The following VOPP1 variants were observed in gnomAD, a reference collection of about 807,000 sequenced individuals.
VOPP1 encodes the protein WW domain binding protein VOPP1.
Under a neutral mutation model 23.5 loss-of-function variants are expected in VOPP1, and 8 were observed. The ratio of observed to expected loss-of-function variants is 0.34; its 90% confidence interval spans 0.20 to 0.61. The LOEUF (loss-of-function observed/expected upper bound fraction) is 0.61, where lower values mean the gene tolerates loss of function less well. Among genes scored for constraint, VOPP1 ranks in the 20% least tolerant of loss-of-function variants. VOPP1 has a pLI of 0.78. For synonymous variants in VOPP1, 83 were observed against 97.3 expected (o/e 0.85, Z 0.86); for missense variants, 174 against 238.1 (o/e 0.73, Z 1.77).
At chr7:55,501,679 T>G (rs1794378507) in intron 2 of VOPP1, among the ~76,000 whole-genome samples, 1 of 152,144 alleles carries the variant, frequency 6.6e-6, no homozygotes. Context: ...GAATACCCTC[T>G]CAAATTGGAC....
intron 4 of VOPP1, among the ~76,000 whole-genome samples, chr7:55,461,435 G>A (rs979861919): frequency 6.6e-6 from 1 of 151,712 alleles, no homozygotes; most frequent in Non-Finnish European, 1.5e-5. Context: ...TTCTTGAGAC[G>A]GAGTCTCACT....
intron 4 of VOPP1, among the ~76,000 whole-genome samples, chr7:55,464,286 G>C (rs866927107): frequency 6.6e-6 from 1 of 152,218 alleles, no homozygotes; most frequent in Non-Finnish European, 1.5e-5. Context: ...CCTACCTGAT[G>C]GTGCATGCAC....
At chr7:55,444,501 C>T (rs1197881400) in intron 4 of VOPP1, among the ~76,000 whole-genome samples, 1 of 151,928 alleles carries the variant, frequency 6.6e-6, no homozygotes, top group African/African-American at 2.4e-5. Flanking sequence ...ATCACCTCTA[C>T]CGCATTGTAT....
intron 1 of VOPP1, among the ~76,000 whole-genome samples, chr7:55,539,039 AAGGG>A (rs748581592): frequency 0.13 from 1,578 of 11,732 alleles, 14 homozygotes; most frequent in Middle Eastern, 0.25. Context: ...TTTAAAAAAA[AAGGG>A]GGGGGGGGAG....
At chr7:55,554,918 ACAT>A (rs1436046944) in intron 1 of VOPP1, among the ~76,000 whole-genome samples, 1 of 152,204 alleles carries the variant, frequency 6.6e-6, no homozygotes, top group African/African-American at 2.4e-5. Context: ...AGCGCAGGAG[ACAT>A]CAGCATCTGA....
intron 4 of VOPP1, among the ~76,000 whole-genome samples, chr7:55,485,016 T>C (rs927093112): frequency 6.6e-6 from 1 of 152,226 alleles, no homozygotes; most frequent in African/African-American, 2.4e-5. Flanking sequence ...CCCAGAAACA[T>C]AATTACTGGA....
At chr7:55,447,191 T>A (rs929694656) in intron 4 of VOPP1, among the ~76,000 whole-genome samples, 8 of 152,214 alleles carry the variant, frequency 5.3e-5, no homozygotes, top group African/African-American at 1.9e-4. Context: ...CCAGGTACTA[T>A]AGAAGAATCA....
chr7:55,539,040 A>AGGGGGGGG (rs60010511), intron 1 of VOPP1, among the ~76,000 whole-genome samples: 4 of 47,802 alleles, frequency 8.4e-5, no homozygotes, highest in African/African-American at 2.0e-4. Context: ...TTAAAAAAAA[A>AGGGGGGGG]GGGGGGGGGG....
chr7:55,503,591 C>CG (rs1380872579), intron 2 of VOPP1, among the ~76,000 whole-genome samples: 5 of 152,170 alleles, frequency 3.3e-5, no homozygotes, highest in Non-Finnish European at 7.3e-5. Flanking sequence ...TCCCCTAGAC[C>CG]GGTGTGTTGA....
intron 4 of VOPP1, among the ~76,000 whole-genome samples, chr7:55,477,693 G>C (rs1255809545): frequency 6.6e-6 from 1 of 152,236 alleles, no homozygotes; most frequent in Non-Finnish European, 1.5e-5. Flanking sequence ...ATCCTACCAG[G>C]AACTGGTGGG....
At chr7:55,444,906 G>T (rs1221135953) in intron 4 of VOPP1, among the ~76,000 whole-genome samples, 1 of 152,044 alleles carries the variant, frequency 6.6e-6, no homozygotes, top group East Asian at 1.9e-4. Flanking sequence ...TTGCCATCTG[G>T]AAGGTCTGAG....
chr7:55,435,883 C>A (rs529590825), downstream of VOPP1, among the ~76,000 whole-genome samples: 1 of 152,342 alleles, frequency 6.6e-6, no homozygotes, highest in Non-Finnish European at 1.5e-5. Flanking sequence ...TGAAAAACCA[C>A]CCTGGCTCCT....
intron 1 of VOPP1, chr7:55,521,761 G>C: frequency 1.0e-6 from 1 of 986,504 alleles, no homozygotes; most frequent in Non-Finnish European, 1.2e-6. Flanking sequence ...GGGCAGGGTG[G>C]GTGAGTGCAC....
chr7:55,464,672 G>A (rs1263082479), intron 4 of VOPP1, among the ~76,000 whole-genome samples: 3 of 152,210 alleles, frequency 2.0e-5, no homozygotes, highest in South Asian at 2.1e-4. Context: ...AGCCAGTGTT[G>A]TGATGCTGCA....
At chr7:55,564,243 G>C (rs181456125) in intron 1 of VOPP1, among the ~76,000 whole-genome samples, 1,501 of 125,922 alleles carry the variant, frequency 0.012, 13 homozygotes, top group Middle Eastern at 0.031. Context: ...CTCTGTCTCT[G>C]TCTCTCTCTC....
intron 2 of VOPP1, among the ~76,000 whole-genome samples, chr7:55,520,410 G>A (rs567267562): frequency 1.3e-5 from 2 of 152,262 alleles, no homozygotes; most frequent in South Asian, 4.2e-4. Context: ...AACCTGGAGA[G>A]TTAATGTGGT....
intron 2 of VOPP1, among the ~76,000 whole-genome samples, chr7:55,510,813 A>C (rs1331413473): frequency 6.6e-6 from 1 of 151,594 alleles, no homozygotes; most frequent in East Asian, 1.9e-4. Context: ...TCCCCACTGC[A>C]CCCTGCACCT....
Position 55,572,386 on chromosome 7 carries a change from G to C in VOPP1, c.-62C>G. On this transcript the variant is annotated 5_prime_UTR_variant, in exon 1 of 5. Coordinates refer to ENST00000285279, the MANE Select transcript of VOPP1 (RefSeq NM_030796.5). ...GGTCGCAGGCGCGCTTCGCGACTCG[G>C]CCCCCGCGCGGGGCGGGCGGGCAGA... 1.7e-6 allele frequency: 2 copies of C among 1,191,418 alleles called. No individual in the cohort carries two copies. Among genetic ancestry groups the C allele is most frequent in the Non-Finnish European group, 2.1e-6 (2 of 946,778 alleles). 73.8% of individuals were successfully genotyped at this position (1,191,418 alleles called of 1,614,324 possible).
At chr7:55,546,375 G>C (rs965424567) in intron 1 of VOPP1, among the ~76,000 whole-genome samples, 2 of 152,232 alleles carry the variant, frequency 1.3e-5, no homozygotes, top group Non-Finnish European at 2.9e-5. Flanking sequence ...TCTATGGACC[G>C]TGAGGTGGTA....
Sources: gnomAD v4.1 joint callset for allele counts (sites outside exome capture counted in the v4.1 genomes callset) on GRCh38, gnomAD v4.1.1 for gene constraint, MANE v1.5 for transcripts, NCBI Gene and HGNC (gene_info 2026-07-23, HGNC 2026-07-21) for gene names.